NT5M: variants seen among roughly 807,000 people sequenced by gnomAD.
The protein encoded by NT5M is 5'(3')-deoxyribonucleotidase, mitochondrial.
In NT5M, 22 loss-of-function variants were observed where a neutral mutation model predicts 22.2. The observed-to-expected ratio is 0.99, with a 90% CI of 0.71 to 1.41. The LOEUF is 1.41. Among genes scored for constraint, NT5M ranks in the 40% most tolerant of loss-of-function variants. The pLI is 0.00. For missense variants in NT5M, 322 were observed against 314.8 expected, an observed-to-expected ratio of 1.02 and a Z score of -0.17; for synonymous variants, 167 against 133.0, an observed-to-expected ratio of 1.26 and a Z score of -1.76.
chr17:17,347,055 C>T lies in NT5M; in HGVS notation c.*108C>T. On this transcript the variant is annotated 3_prime_UTR_variant, in exon 5 of 5. Transcript: ENST00000389022. ...TGGGAGTCCCTCCTAGACTCCTGGG[C>T]CCCATGACCTCCTGCTGCATGTCCC... 2 of 1,346,216 alleles carry T rather than the reference C, an allele frequency of 1.5e-6. No homozygotes were observed. The highest frequency in any genetic ancestry group is 2.0e-6 in the Non-Finnish European group (2 of 995,256). 83.4% of individuals were successfully genotyped at this position (1,346,216 alleles called of 1,614,324 possible).
At chr17:17,332,828 C>T (rs1196596102) in intron 3 of NT5M, among the ~76,000 whole-genome samples, 2 of 152,152 alleles carry the variant, frequency 1.3e-5, no homozygotes, top group East Asian at 1.9e-4. Flanking sequence ...GGTTCACTCC[C>T]GGTATCCTGC....
chr17:17,308,785 C>G (rs1418793235), intron 2 of NT5M, among the ~76,000 whole-genome samples: 1 of 152,240 alleles, frequency 6.6e-6, no homozygotes, highest in Non-Finnish European at 1.5e-5. Context: ...CTGGCAACCA[C>G]TAATCTACTT....
chr17:17,343,307 A>C (rs1411832633), intron 3 of NT5M, among the ~76,000 whole-genome samples: 2 of 152,098 alleles, frequency 1.3e-5, no homozygotes. Context: ...CAGTCAGAGG[A>C]AATGGCACAT....
At chr17:17,337,198 C>G (rs1166504095) in intron 3 of NT5M, among the ~76,000 whole-genome samples, 1 of 152,032 alleles carries the variant, frequency 6.6e-6, no homozygotes, top group Non-Finnish European at 1.5e-5. Context: ...TGATGATCAG[C>G]GATATTGAGC....
chr17:17,319,136 C>CCT (rs1195186502), intron 2 of NT5M, among the ~76,000 whole-genome samples: 1 of 151,544 alleles, frequency 6.6e-6, no homozygotes, highest in Admixed American at 6.6e-5. Flanking sequence ...ATTGCTTGAA[C>CCT]CTGTGAGGCA....
chr17:17,338,677 G>GTTTTT (rs59650601), intron 3 of NT5M, among the ~76,000 whole-genome samples: 5 of 73,208 alleles, frequency 6.8e-5, no homozygotes, highest in Non-Finnish European at 1.0e-4. Context: ...AATGTTAAGG[G>GTTTTT]TTTTTTTTTT....
chr17:17,331,776 C>T (rs1056085574), intron 3 of NT5M, among the ~76,000 whole-genome samples: 2 of 150,888 alleles, frequency 1.3e-5, no homozygotes, highest in Non-Finnish European at 2.9e-5. Context: ...TATTCTTTTT[C>T]TTTTTCTTTT....
chr17:17,309,232 C>T (rs1039492909), intron 2 of NT5M, among the ~76,000 whole-genome samples: 1 of 150,936 alleles, frequency 6.6e-6, no homozygotes, highest in African/African-American at 2.4e-5. Flanking sequence ...CTCAAATGAT[C>T]CTCCTGCGTC....
intron 2 of NT5M, among the ~76,000 whole-genome samples, chr17:17,321,315 G>A (rs1024174276): frequency 6.6e-6 from 1 of 151,904 alleles, no homozygotes; most frequent in African/African-American, 2.4e-5. Context: ...AATAAGGATT[G>A]TGGAGAAGGA....
chr17:17,319,565 CTA>C (rs2049107996), intron 2 of NT5M, among the ~76,000 whole-genome samples: 2 of 152,146 alleles, frequency 1.3e-5, no homozygotes, highest in Non-Finnish European at 2.9e-5. Context: ...TTATTTAACA[CTA>C]TGGGCGAATA....
At chr17:17,332,034 C>T (rs779750406) in intron 3 of NT5M, among the ~76,000 whole-genome samples, 3 of 152,034 alleles carry the variant, frequency 2.0e-5, no homozygotes, top group Non-Finnish European at 4.4e-5. Context: ...CCCGCCTCGG[C>T]CTCCCAAAGT....
intron 3 of NT5M, among the ~76,000 whole-genome samples, chr17:17,335,122 CTT>C (rs199762370): frequency 0.021 from 3,118 of 151,444 alleles, 112 homozygotes; most frequent in African/African-American, 0.07. Context: ...TAGAGACTAT[CTT>C]TATAAATATA....
chr17:17,312,682 G>T (rs1422655281), intron 2 of NT5M, among the ~76,000 whole-genome samples: 2 of 151,792 alleles, frequency 1.3e-5, no homozygotes, highest in African/African-American at 4.8e-5. Flanking sequence ...GCCTGGGTGG[G>T]GTTTGGTAGC....
intron 3 of NT5M, among the ~76,000 whole-genome samples, chr17:17,325,910 A>G (rs1307970260): frequency 6.6e-6 from 1 of 152,102 alleles, no homozygotes; most frequent in African/African-American, 2.4e-5. Flanking sequence ...GACACTTCCC[A>G]CCACTTGAAA....
At chr17:17,333,568 C>A (rs976281708) in intron 3 of NT5M, 2 of 152,198 alleles carry the variant, frequency 1.3e-5, no homozygotes, top group African/African-American at 4.8e-5. Context: ...GCCTTGGCCT[C>A]CCAAAGTGCT....
intron 2 of NT5M, among the ~76,000 whole-genome samples, chr17:17,312,695 A>G (rs1029221365): frequency 1.3e-5 from 2 of 151,242 alleles, no homozygotes; most frequent in African/African-American, 2.4e-5. Context: ...TTGGTAGCTC[A>G]TGCCTGTAAT....
chr17:17,322,715 T>C (rs2049175867), intron 2 of NT5M, among the ~76,000 whole-genome samples: 1 of 152,044 alleles, frequency 6.6e-6, no homozygotes, highest in South Asian at 2.1e-4. Context: ...GGGAGGCCAT[T>C]TGGGTCAGCT....
intron 3 of NT5M, among the ~76,000 whole-genome samples, chr17:17,337,437 CCT>C (rs2049540038): frequency 6.6e-6 from 1 of 151,198 alleles, no homozygotes; most frequent in Non-Finnish European, 1.5e-5. Context: ...TGGGTTTTGC[CCT>C]GTTTCTCAGA....
rs1271504242 is a variant in NT5M, at chr17:17,345,190, T to C, written c.544+282T>C. The C allele has an allele frequency of 6.8e-6, 8 of 1,169,444 alleles. No homozygotes were observed. In the East Asian group the frequency reaches 1.0e-4, roughly 15 times the overall value. 72.4% of individuals were successfully genotyped at this position (1,169,444 alleles called of 1,614,324 possible). The stretch of plus-strand genomic sequence containing the variant: ...AAAGCCTTGTCTTCCTCATGTAACA[T>C]GGGGACTCAACTCTGGTTTCCAAAT... On this transcript the variant is annotated intron_variant, in intron 4 of 4. Transcript: ENST00000389022.
Sources: allele counts gnomAD v4.1 joint callset (sites outside exome capture counted in the v4.1 genomes callset), GRCh38; gene constraint gnomAD v4.1.1; transcripts MANE v1.5; gene names NCBI Gene and HGNC (gene_info 2026-07-23, HGNC 2026-07-21).